WSB1: variants seen among roughly 807,000 people sequenced by gnomAD.
The protein encoded by WSB1 is WD repeat and SOCS box-containing protein 1.
WSB1 carries 23 observed loss-of-function variants against 50.2 expected under a neutral mutation model. That is an observed-to-expected ratio of 0.46 (90% confidence interval 0.33 to 0.65). The LOEUF (loss-of-function observed/expected upper bound fraction) is 0.65. WSB1 is among the 30% of genes least tolerant of loss of function. The pLI is 0.02. For synonymous variants in WSB1, 179 were observed against 172.0 expected (o/e 1.04, Z -0.32); for missense variants, 492 against 522.3 (o/e 0.94, Z 0.56).
At chr17:27,308,698 C>G in intron 5 of WSB1, 1 of 986,836 alleles carries the variant, frequency 1.0e-6, no homozygotes, top group Non-Finnish European at 1.2e-6. Context: ...CGTTTTCTGT[C>G]TGTATATTTT....
chr17:27,303,285 A>T, intron 2 of WSB1, 82 bp from the exon 3 acceptor site: 1 of 1,452,810 alleles, frequency 6.9e-7, no homozygotes, highest in Non-Finnish European at 9.3e-7. Context: ...GGTTATTTTA[A>T]CAAACACTTG....
chr17:27,301,799 A>T lies in WSB1; in HGVS notation c.52A>T (p.Thr18Ser). Residue 18 changes from threonine to serine, a missense_variant, in exon 2 of 9, where the codon ACT (threonine) becomes TCT (serine). By Grantham distance (58) the Thr-to-Ser change is moderately conservative. Coordinates refer to ENST00000262394, the MANE Select transcript of WSB1 (RefSeq NM_015626.10). Reference protein sequence around the residue: ...VNEKEIVRLRTIGELLAPAAP... With the variant: ...VNEKEIVRLRSIGELLAPAAP... ...ATTTTTCCTTTTAGTGAGATTACGT[A>T]CTATAGGTGAACTTTTAGCTCCTGC... The T allele has an allele frequency of 6.2e-7, 1 of 1,614,074 alleles. No individual in the cohort carries two copies. Among genetic ancestry groups the T allele is most frequent in the Non-Finnish European group, 8.5e-7 (1 of 1,179,962 alleles).
Position 27,306,840 on chromosome 17 carries a change from T to C in WSB1, c.669T>C (p.Ser223=). Residue 223 remains serine, a synonymous_variant, in exon 5 of 9, where the codon TCT becomes TCC. Transcript: ENST00000262394. ...ATTGGGTGTACAGCTGTGCATTCTC[T>C]CCTGACTCTTCTATGCTGTGTTCAG... ...HQNWVYSCAF[S]PDSSMLCSVG... is the part of the protein sequence containing the mutation. 6.2e-7 allele frequency: 1 copy of C among 1,614,202 alleles called. No individual in the cohort carries two copies.
chr17:27,303,430 T>C lies in WSB1; in HGVS notation c.273T>C (p.Ser91=), dbSNP rs892796809. The change falls in exon 3 of 9, where the codon AGT becomes AGC. Residue 91 remains serine (S), a synonymous_variant. Transcript: ENST00000262394. ...SSSLRLPRQN[S]DGGQKNKPRE... ...GTTTAAGATTGCCAAGACAAAATAGTGATGGTGGTCAGAAAAATAAGCCTC... is the reference window on the plus strand; with the variant it reads ...GTTTAAGATTGCCAAGACAAAATAGCGATGGTGGTCAGAAAAATAAGCCTC... 1 of 1,614,050 alleles carries C rather than the reference T, an allele frequency of 6.2e-7. No individual in the cohort carries two copies. The highest frequency in any genetic ancestry group is 8.5e-7 in the Non-Finnish European group (1 of 1,180,000).
chr17:27,300,974 C>T (rs2017204089), intron 1 of WSB1, among the ~76,000 whole-genome samples: 1 of 152,138 alleles, frequency 6.6e-6, no homozygotes, highest in Non-Finnish European at 1.5e-5. Flanking sequence ...CTTCCGCCTC[C>T]TGGGTTCAGG....
Position 27,303,682 on chromosome 17 carries a change from G to A in WSB1, c.478+47G>A, listed in dbSNP as rs368071612. ...AGCAAATGTATTATTTTATGATGCA[G>A]GGCACTGCTTATAGGCACTGGAATT... On this transcript the variant is annotated intron_variant, in intron 3 of 8. Coordinates refer to ENST00000262394, the MANE Select transcript of WSB1 (RefSeq NM_015626.10). 19 of 1,592,090 alleles carry A rather than the reference G, an allele frequency of 1.2e-5. No homozygotes were observed. The African/African-American group carries it at 2.3e-4, about 19-fold the overall frequency.
In WSB1 at chr17:27,294,399, G is replaced by T; in HGVS notation, c.4G>T (p.Ala2Ser). M[A>S]SFPPRVNEKE... ...GGAATCAGACGGTGCCCCATAGATG[G>T]CCAGCTTTCCCCCGAGGGTCAACGA... is the stretch of plus-strand genomic sequence containing the variant. Residue 2 changes from alanine to serine, a missense_variant, in exon 1 of 9, where the codon GCC becomes TCC. Physicochemically the swap from Ala to Ser is moderately conservative, Grantham distance 99. Transcript: ENST00000262394. The T allele has an allele frequency of 6.2e-7, 1 of 1,613,702 alleles. No homozygotes were observed. Among genetic ancestry groups the T allele is most frequent in the Non-Finnish European group, 8.5e-7 (1 of 1,179,744 alleles).
rs1439631406 is a variant in WSB1, at chr17:27,315,272, C to CATTT, written c.*2906_*2909dup. ...CCTGTCATTTGGAGAACTGGCAGAT[C>CATTT]ATTTATGTTCAGATTTAATTTTCTG... is the stretch of plus-strand genomic sequence containing the variant. On this transcript the variant is annotated 3_prime_UTR_variant, in exon 9 of 9. Coordinates refer to ENST00000262394, the MANE Select transcript of WSB1 (RefSeq NM_015626.10). 2.6e-5 allele frequency: 4 copies of CATTT among 152,180 alleles called. No individual in the cohort carries two copies. The highest frequency in any genetic ancestry group is 7.2e-5 in the African/African-American group (3 of 41,442). 9.4% of individuals were successfully genotyped at this position (152,180 alleles called of 1,614,324 possible).
chr17:27,297,149 T>A (rs2150826834), intron 1 of WSB1: 2 of 152,300 alleles, frequency 1.3e-5, no homozygotes, highest in East Asian at 3.9e-4. Context: ...TTTTAGTAAT[T>A]GTTACCGCTC....
chr17:27,294,604 G>A (rs2016867471), intron 1 of WSB1, among the ~76,000 whole-genome samples, 169 bp downstream of exon 1: 1 of 152,040 alleles, frequency 6.6e-6, no homozygotes, highest in South Asian at 2.1e-4. Context: ...TGGCTGAGGG[G>A]TAAACGGCAC....
At chr17:27,301,689 T>C in intron 1 of WSB1, 99 bp from the exon 2 acceptor site, 2 of 1,293,034 alleles carry the variant, frequency 1.5e-6, no homozygotes, top group African/African-American at 1.5e-5. Flanking sequence ...CCTGTCTGCA[T>C]AGAAGAGGGA....
chr17:27,300,286 A>C (rs1392109650), intron 1 of WSB1, among the ~76,000 whole-genome samples: 1 of 152,194 alleles, frequency 6.6e-6, no homozygotes, highest in African/African-American at 2.4e-5. Flanking sequence ...CCAGAAATAC[A>C]TAAAAATATA....
In WSB1 at chr17:27,313,350, ATTG is replaced by A. The variant is rs979108957; in HGVS notation, c.*986_*988del. On this transcript the variant is annotated 3_prime_UTR_variant, in exon 9 of 9. Transcript: ENST00000262394. ...ACCCTTGTGGTATAAAGTATTATAA[ATTG>A]TTGTGAATTTGAAGAATCCGTCTAC... 6.6e-6 allele frequency: 1 copy of A among 151,426 alleles called. No homozygotes were observed. The highest frequency in any genetic ancestry group is 2.4e-5 in the African/African-American group (1 of 41,054). The allele number at this position is 151,426 out of a possible 1,614,324, so 9.4% of individuals were successfully genotyped here.
intron 1 of WSB1, among the ~76,000 whole-genome samples, chr17:27,296,503 A>C (rs1279474416): frequency 1.3e-5 from 2 of 152,160 alleles, no homozygotes; most frequent in South Asian, 4.1e-4. Flanking sequence ...AGCCAAGTTT[A>C]GTTTCTCAAG....
In WSB1 at chr17:27,294,136, C is replaced by T. The variant is rs2016839266; in HGVS notation, c.-260C>T. 1 of 324,348 alleles carries T rather than the reference C, an allele frequency of 3.1e-6. No homozygotes were observed. Among genetic ancestry groups the T allele is most frequent in the East Asian group, 4.8e-5 (1 of 20,910 alleles). 20.1% of individuals were successfully genotyped at this position (324,348 alleles called of 1,614,324 possible). ...TCCAGTGTCTCGTTTGCAGTCGGCGCTTTAGGGGAACTGTCTTCCTCCGCA... is the reference window on the plus strand; with the variant it reads ...TCCAGTGTCTCGTTTGCAGTCGGCGTTTTAGGGGAACTGTCTTCCTCCGCA... On this transcript the variant is annotated 5_prime_UTR_variant, in exon 1 of 9. Coordinates refer to ENST00000262394, the MANE Select transcript of WSB1 (RefSeq NM_015626.10).
intron 1 of WSB1, among the ~76,000 whole-genome samples, chr17:27,299,530 A>G (rs987160908): frequency 2.0e-5 from 3 of 152,182 alleles, no homozygotes; most frequent in African/African-American, 7.2e-5. Flanking sequence ...AAGTTATGTG[A>G]CGGCTAGTAA....
chr17:27,298,126 GAAAAAAAAAAAAA>G (rs35222722), intron 1 of WSB1, among the ~76,000 whole-genome samples: 1 of 74,220 alleles, frequency 1.3e-5, no homozygotes, highest in African/African-American at 5.7e-5. Context: ...CTCCGTCTCA[GAAAAAAAAAAAAA>G]AAAAAAAAAA....
At position 27,315,526 on chromosome 17, in the gene WSB1, C is replaced by G. The variant is rs569488018; in HGVS notation, c.*3157C>G. On this transcript the variant is annotated 3_prime_UTR_variant, in exon 9 of 9. Coordinates refer to ENST00000262394, the MANE Select transcript of WSB1 (RefSeq NM_015626.10). ...CAAGACCAAAAAAGGTTGGACTGCA[C>G]TGTAGCATGCTTATGGGTTGAGGCA... The G allele has an allele frequency of 6.6e-6, 1 of 152,346 alleles. No homozygotes were observed. Among genetic ancestry groups the G allele is most frequent in the South Asian group, 2.1e-4 (1 of 4,828 alleles). 9.4% of individuals were successfully genotyped at this position (152,346 alleles called of 1,614,324 possible).
intron 4 of WSB1, among the ~76,000 whole-genome samples, chr17:27,305,428 A>G (rs562173597): frequency 3.3e-5 from 5 of 152,386 alleles, no homozygotes; most frequent in African/African-American, 7.2e-5. Flanking sequence ...GTCCAATACA[A>G]TAGAAAGATA....
Sources: gnomAD v4.1 joint callset for allele counts (sites outside exome capture counted in the v4.1 genomes callset) on GRCh38, gnomAD v4.1.1 for gene constraint, MANE v1.5 for transcripts, NCBI Gene and HGNC (gene_info 2026-07-23, HGNC 2026-07-21) for gene names.